Variants in ADAMTS3 observed in about 807,000 individuals in gnomAD.
ADAMTS3 encodes the protein ADAM metallopeptidase with thrombospondin type 1 motif 3, also known as A disintegrin and metalloproteinase with thrombospondin motifs 3.
In ADAMTS3, 73 loss-of-function variants were observed where a neutral mutation model predicts 129.0. That is an observed-to-expected ratio of 0.57 (90% confidence interval 0.47 to 0.69). The LOEUF is 0.69. ADAMTS3 is among the 30% of genes least tolerant of loss of function. The probability of loss-of-function intolerance (pLI) is 0.00; values close to 1 mark genes in which losing one functional copy is unlikely to be tolerated. For missense variants in ADAMTS3, 1,457 were observed against 1,514.5 expected, an observed-to-expected ratio of 0.96 and a Z score of 0.63; for synonymous variants, 477 against 510.8, an observed-to-expected ratio of 0.93 and a Z score of 0.89.
At chr4:72,512,595 A>G (rs773811118) in intron 3 of ADAMTS3, among the ~76,000 whole-genome samples, 7 of 152,236 alleles carry the variant, frequency 4.6e-5, no homozygotes, top group Non-Finnish European at 8.8e-5. Context: ...ACATAACTGA[A>G]AGAGTACAAC....
At chr4:72,403,463 G>GA (rs34822104) in intron 4 of ADAMTS3, among the ~76,000 whole-genome samples, 147,539 of 151,484 alleles carry the variant, frequency 0.97, 71,987 homozygotes, top group South Asian at 1. Context: ...ATATTAGATG[G>GA]AAAAAAAATA....
chr4:72,422,851 T>C (rs1357125826), intron 3 of ADAMTS3, among the ~76,000 whole-genome samples: 1 of 152,182 alleles, frequency 6.6e-6, no homozygotes, highest in Non-Finnish European at 1.5e-5. Flanking sequence ...ATAATGTCTA[T>C]GAATGCCCTT....
In ADAMTS3 at chr4:72,464,334, T is replaced by A. The variant is rs180849945; in HGVS notation, c.505-49363A>T. On this transcript the variant is annotated intron_variant, in intron 3 of 21. Coordinates refer to ENST00000286657, the MANE Select transcript of ADAMTS3 (RefSeq NM_014243.3). ...CACTAGGTGAATAAATGGTTATAGG[T>A]CTCCTCTGTTTCTCTAGCCTAGTGG... is the stretch of plus-strand genomic sequence containing the variant. Among the ~76,000 whole-genome samples, 516 of 152,032 alleles carry A rather than the reference T, an allele frequency of 3.4e-3. 3 individuals carry two copies. Among genetic ancestry groups the A allele is most frequent in the Non-Finnish European group, 4.8e-3 (325 of 67,948 alleles).
intron 4 of ADAMTS3, among the ~76,000 whole-genome samples, chr4:72,402,725 G>T (rs562041575): frequency 2.6e-4 from 39 of 152,218 alleles, no homozygotes; most frequent in African/African-American, 9.4e-4. Context: ...GAAGAGATCA[G>T]ATTCAAATGT....
intron 3 of ADAMTS3, among the ~76,000 whole-genome samples, chr4:72,466,266 T>G (rs1471010664): frequency 6.6e-6 from 1 of 151,914 alleles, no homozygotes; most frequent in Non-Finnish European, 1.5e-5. Flanking sequence ...CACAGGAGGA[T>G]GTAGAAGAAG....
chr4:72,311,005 G>A (rs754322808), intron 14 of ADAMTS3, 43 bp downstream of exon 14: 33 of 1,521,492 alleles, frequency 2.2e-5, no homozygotes, highest in Admixed American at 9.9e-5. Context: ...GACAGTAAAC[G>A]TAGATAACGT....
intron 4 of ADAMTS3, among the ~76,000 whole-genome samples, chr4:72,348,452 T>C (rs911876766): frequency 6.6e-6 from 1 of 152,062 alleles, no homozygotes; most frequent in Non-Finnish European, 1.5e-5. Flanking sequence ...AGAGGTTGTA[T>C]GATATAATAC....
intron 3 of ADAMTS3, among the ~76,000 whole-genome samples, chr4:72,452,214 T>G (rs1233800655): frequency 6.6e-6 from 1 of 151,166 alleles, no homozygotes; most frequent in Non-Finnish European, 1.5e-5. Context: ...TAGAAAGTAT[T>G]GACCAGCTCT....
chr4:72,394,963 T>A (rs1721690891), intron 4 of ADAMTS3, among the ~76,000 whole-genome samples: 1 of 152,012 alleles, frequency 6.6e-6, no homozygotes, highest in Admixed American at 6.6e-5. Flanking sequence ...TTCACTCTTG[T>A]TGCCCAGGCT....
At chr4:72,520,187 G>A (rs567345004) in intron 3 of ADAMTS3, among the ~76,000 whole-genome samples, 54 of 152,296 alleles carry the variant, frequency 3.5e-4, no homozygotes, top group South Asian at 1.2e-3. Context: ...CTGTCTAATC[G>A]TTCCTCTGGA....
At chr4:72,476,283 A>C (rs1719229954) in intron 3 of ADAMTS3, among the ~76,000 whole-genome samples, 1 of 152,080 alleles carries the variant, frequency 6.6e-6, no homozygotes, top group Admixed American at 6.5e-5. Context: ...GAAATGAAAT[A>C]GATTCATTCA....
intron 3 of ADAMTS3, among the ~76,000 whole-genome samples, chr4:72,455,181 T>C (rs1029818866): frequency 2.0e-5 from 3 of 151,664 alleles, no homozygotes; most frequent in Non-Finnish European, 4.4e-5. Context: ...TTCAAAATCA[T>C]TGATAAGCAA....
chr4:72,546,854 G>A (rs1721481071), intron 3 of ADAMTS3, among the ~76,000 whole-genome samples: 1 of 152,126 alleles, frequency 6.6e-6, no homozygotes, highest in African/African-American at 2.4e-5. Context: ...CAAGAAGTGT[G>A]TAAAATGCCT....
At chr4:72,425,142 T>A (rs1476788260) in intron 3 of ADAMTS3, among the ~76,000 whole-genome samples, 2 of 152,118 alleles carry the variant, frequency 1.3e-5, no homozygotes, top group African/African-American at 2.4e-5. Context: ...CTTGGCATTA[T>A]CCAATATTTC....
intron 3 of ADAMTS3, among the ~76,000 whole-genome samples, chr4:72,478,428 C>A (rs866214425): frequency 4.7e-5 from 7 of 149,104 alleles, no homozygotes; most frequent in Non-Finnish European, 7.4e-5. Flanking sequence ...ATAAACAGAA[C>A]CAAAGACAAA....
At chr4:72,313,627 G>A (rs879640473) in intron 12 of ADAMTS3, 50 bp downstream of exon 12, 14 of 1,580,400 alleles carry the variant, frequency 8.9e-6, no homozygotes, top group Non-Finnish European at 1.2e-5. Flanking sequence ...TAATATTGAA[G>A]TATTTTCTGG....
chr4:72,474,837 TAAAACGGTGA>T (rs1719182933), intron 3 of ADAMTS3, among the ~76,000 whole-genome samples: 1 of 151,616 alleles, frequency 6.6e-6, no homozygotes, highest in Non-Finnish European at 1.5e-5. Context: ...CCATCCCGGC[TAAAACGGTGA>T]AACCCCGTCT....
chr4:72,530,889 ATAC>A (rs1721025008), intron 3 of ADAMTS3, among the ~76,000 whole-genome samples: 1 of 137,050 alleles, frequency 7.3e-6, no homozygotes, highest in South Asian at 2.1e-4. Flanking sequence ...CTCTTTAGAT[ATAC>A]ATATATGCTT....
intron 3 of ADAMTS3, among the ~76,000 whole-genome samples, chr4:72,485,256 A>G (rs1480147682): frequency 6.6e-6 from 1 of 152,154 alleles, no homozygotes; most frequent in Non-Finnish European, 1.5e-5. Context: ...TTTGTTTCCA[A>G]CTCAAGAGGT....
Sources: allele counts gnomAD v4.1 joint callset (sites outside exome capture counted in the v4.1 genomes callset), GRCh38; gene constraint gnomAD v4.1.1; transcripts MANE v1.5; gene names NCBI Gene and HGNC (gene_info 2026-07-23, HGNC 2026-07-21).